The following TMEM232 variants were observed in gnomAD, a reference collection of about 807,000 sequenced individuals.
TMEM232 encodes transmembrane protein 232.
In TMEM232, 80 loss-of-function variants were observed where a neutral mutation model predicts 78.8. The ratio of observed to expected loss-of-function variants is 1.01; its 90% CI spans 0.85 to 1.22. The LOEUF (loss-of-function observed/expected upper bound fraction) is 1.22. TMEM232 is among the 50% of genes most tolerant of loss of function. The pLI is 0.00. For synonymous variants in TMEM232, 297 were observed against 254.3 expected, an observed-to-expected ratio of 1.17 and a Z score of -1.60; for missense variants, 881 against 742.2, an observed-to-expected ratio of 1.19 and a Z score of -2.17.
chr5:110,533,608 G>A (rs144516670), intron 11 of TMEM232, among the ~76,000 whole-genome samples: 133 of 152,216 alleles, frequency 8.7e-4, no homozygotes, highest in Admixed American at 1.4e-3. Flanking sequence ...TATACTTTCT[G>A]CTCCCCGGCT....
At chr5:110,646,986 A>C (rs1408770078) in intron 2 of TMEM232, among the ~76,000 whole-genome samples, 1 of 151,608 alleles carries the variant, frequency 6.6e-6, no homozygotes, top group Non-Finnish European at 1.5e-5. Context: ...TTAAATTATC[A>C]GAATTTAAAA....
chr5:110,730,385 C>A (rs974201655), upstream of TMEM232, among the ~76,000 whole-genome samples: 1 of 152,178 alleles, frequency 6.6e-6, no homozygotes, highest in Non-Finnish European at 1.5e-5. Context: ...TTCTAGATGA[C>A]AATTTCTTAA....
chr5:110,583,177 A>G (rs1410189457), intron 10 of TMEM232, among the ~76,000 whole-genome samples: 1 of 152,048 alleles, frequency 6.6e-6, no homozygotes, highest in East Asian at 1.9e-4. Flanking sequence ...TGGCCTAAAA[A>G]GATCCCAACT....
At chr5:110,695,241 T>C (rs1274736688) in intron 1 of TMEM232, among the ~76,000 whole-genome samples, 3 of 152,156 alleles carry the variant, frequency 2.0e-5, no homozygotes, top group East Asian at 3.8e-4. Flanking sequence ...ATAAAGATGT[T>C]CTTCGAAACC....
chr5:110,480,647 T>C (rs1022749230), intron 12 of TMEM232, among the ~76,000 whole-genome samples: 3 of 152,024 alleles, frequency 2.0e-5, no homozygotes, highest in African/African-American at 7.2e-5. Flanking sequence ...TTGAACTGGT[T>C]CTCTATAGTA....
intron 1 of TMEM232, chr5:110,737,978 A>AAT (rs1432192391): frequency 6.1e-6 from 1 of 163,232 alleles, no homozygotes; most frequent in Non-Finnish European, 1.4e-5. Context: ...GTAACCCATA[A>AAT]ATATATACAC....
At chr5:110,579,149 G>T (rs4406177) in intron 10 of TMEM232, among the ~76,000 whole-genome samples, 1 of 151,102 alleles carries the variant, frequency 6.6e-6, no homozygotes, top group Non-Finnish European at 1.5e-5. Context: ...ACTACCCAAA[G>T]ATTTTTTTAA....
At chr5:110,523,708 T>A (rs948104810) in intron 12 of TMEM232, among the ~76,000 whole-genome samples, 2 of 151,726 alleles carry the variant, frequency 1.3e-5, no homozygotes, top group Non-Finnish European at 2.9e-5. Flanking sequence ...ATCCCAGCAG[T>A]TTGGGAGGTA....
rs140335390 is a variant in TMEM232 at position 110,532,549 on chromosome 5, T to C, written c.1456-3714A>G. Among the ~76,000 whole-genome samples the C allele has an allele frequency of 1.3e-3, 199 of 151,986 alleles. 1 individual carries two copies. Among genetic ancestry groups the C allele is most frequent in the South Asian group, 7.3e-3 (35 of 4,804 alleles). On this transcript the variant is annotated intron_variant, in intron 11 of 13. Transcript: ENST00000455884. The stretch of plus-strand genomic sequence containing the variant: ...CCAACTCTGGTGCCAACTTACACAA[T>C]ACTCTTTTAAGCACTCCTTTTTAGT...
chr5:110,474,621 A>G (rs1167505122), intron 12 of TMEM232, among the ~76,000 whole-genome samples: 2 of 151,952 alleles, frequency 1.3e-5, no homozygotes, highest in African/African-American at 4.8e-5. Context: ...GAACAGAAAA[A>G]ATTGTTATCC....
chr5:110,549,311 A>G (rs1410017898), intron 11 of TMEM232, among the ~76,000 whole-genome samples: 4 of 152,056 alleles, frequency 2.6e-5, no homozygotes, highest in African/African-American at 7.2e-5. Context: ...AGAGAATCAA[A>G]AGTTGATTTT....
At chr5:110,451,616 A>AT (rs1156381741) in intron 12 of TMEM232, among the ~76,000 whole-genome samples, 2 of 152,054 alleles carry the variant, frequency 1.3e-5, no homozygotes, top group African/African-American at 2.4e-5. Flanking sequence ...TAATAGAATG[A>AT]TTTTTTAATG....
chr5:110,622,363 C>A (rs1044544670), intron 7 of TMEM232, among the ~76,000 whole-genome samples: 59 of 152,112 alleles, frequency 3.9e-4, no homozygotes, highest in Non-Finnish European at 1.6e-4. Context: ...AATAAAAGGT[C>A]CACTGCATTG....
intron 1 of TMEM232, among the ~76,000 whole-genome samples, chr5:110,726,133 C>T (rs1561575850): frequency 6.7e-6 from 1 of 149,952 alleles, no homozygotes; most frequent in Non-Finnish European, 1.5e-5. Flanking sequence ...CACACACACA[C>T]ACACACAGAG....
intron 12 of TMEM232, among the ~76,000 whole-genome samples, chr5:110,473,766 G>T (rs1762931027): frequency 6.8e-6 from 1 of 147,606 alleles, no homozygotes; most frequent in African/African-American, 2.5e-5. Context: ...AATGAATAAA[G>T]AAAATATAAT....
intron 12 of TMEM232, among the ~76,000 whole-genome samples, chr5:110,474,897 T>C (rs1165716600): frequency 6.6e-6 from 1 of 152,024 alleles, no homozygotes; most frequent in Non-Finnish European, 1.5e-5. Context: ...CTGAAGACTA[T>C]ACTATGATCA....
chr5:110,603,307 A>C (rs1370174205), intron 10 of TMEM232, among the ~76,000 whole-genome samples: 2 of 152,162 alleles, frequency 1.3e-5, no homozygotes, highest in Non-Finnish European at 2.9e-5. Context: ...ATAATACATA[A>C]ATTTAAAAAT....
At chr5:110,406,263 TATAC>T (rs1348615134) in intron 2 of TMEM232, among the ~76,000 whole-genome samples, 1,106 of 51,666 alleles carry the variant, frequency 0.021, 7 homozygotes, top group Admixed American at 0.025. Flanking sequence ...CACAGATATA[TATAC>T]ACACACACAC....
At chr5:110,398,196 A>T (rs1755465214) in intron 2 of TMEM232, among the ~76,000 whole-genome samples, 1 of 152,184 alleles carries the variant, frequency 6.6e-6, no homozygotes, top group African/African-American at 2.4e-5. Context: ...TGCATTATAC[A>T]ATAATTTACA....
Sources: allele counts gnomAD v4.1 joint callset (sites outside exome capture counted in the v4.1 genomes callset), GRCh38; gene constraint gnomAD v4.1.1; transcripts MANE v1.5; gene names NCBI Gene and HGNC (gene_info 2026-07-23, HGNC 2026-07-21).